The following ADGRG6 variants were observed in gnomAD, a reference collection of about 807,000 sequenced individuals.
The protein encoded by ADGRG6 is adhesion G protein-coupled receptor G6.
In ADGRG6, 84 loss-of-function variants were observed where a neutral mutation model predicts 142.4. The ratio of observed to expected loss-of-function variants is 0.59; its 90% CI spans 0.49 to 0.71. The LOEUF is 0.71. ADGRG6 is among the 30% of genes least tolerant of loss of function. ADGRG6 has a pLI of 0.00. For synonymous variants in ADGRG6, 521 were observed against 520.5 expected (o/e 1.00, Z -0.01); for missense variants, 1,367 against 1,466.6 (o/e 0.93, Z 1.11).
Position 142,367,862 on chromosome 6 carries a change from A to T in ADGRG6, c.397A>T (p.Ser133Cys). The change falls in exon 3 of 25, where the codon AGT (serine) becomes TGT (cysteine). Residue 133 changes from serine (S) to cysteine (C), a missense_variant. By Grantham distance (112) the Ser-to-Cys change is moderately radical. Transcript: ENST00000367609. ...GAATGAGATGCATGTGTCCTTTTCA[A>T]GTGACTTTAGCATCCAGAAGAAAGG... ...SANEMHVSFS[S>C]DFSIQKKGFN... The T allele has an allele frequency of 3.1e-6, 5 of 1,612,988 alleles. No individual in the cohort carries two copies. Among genetic ancestry groups the T allele is most frequent in the Middle Eastern group, 3.3e-4 (2 of 6,060 alleles).
chr6:142,415,084 A>G lies in ADGRG6; in HGVS notation c.2657A>G (p.Tyr886Cys), dbSNP rs202116919. ...AIFSAATLLT[Y>C]VAFEKLRRDY... The stretch of plus-strand genomic sequence containing the variant: ...TTTTCAGCAGCAACTCTCCTGACAT[A>G]TGTTGCTTTTGAGTAAGTATATTTT... The change falls in exon 19 of 25, where the codon TAT becomes TGT. Residue 886 changes from tyrosine to cysteine, a missense_variant. This residue lies in a region of ADGRG6 where 286 missense variants were observed against 371.4 expected (regional missense o/e 0.77). Transcript: ENST00000367609. 2 of 1,609,924 alleles carry G rather than the reference A, an allele frequency of 1.2e-6. No homozygotes were observed. Among genetic ancestry groups the G allele is most frequent in the Non-Finnish European group, 1.7e-6 (2 of 1,177,992 alleles).
intron 2 of ADGRG6, among the ~76,000 whole-genome samples, chr6:142,349,617 C>A (rs1444246692): frequency 6.6e-6 from 1 of 152,144 alleles, no homozygotes; most frequent in Non-Finnish European, 1.5e-5. Flanking sequence ...AGGGACCTGG[C>A]CAGTGCTCCA....
At chr6:142,335,238 A>G (rs1779256191) in intron 2 of ADGRG6, among the ~76,000 whole-genome samples, 1 of 152,110 alleles carries the variant, frequency 6.6e-6, no homozygotes, top group Non-Finnish European at 1.5e-5. Context: ...TGGACACCTG[A>G]TTTCTTTTGA....
At chr6:142,415,457 AG>A (rs1189442149) in intron 19 of ADGRG6, among the ~76,000 whole-genome samples, 17 of 152,154 alleles carry the variant, frequency 1.1e-4, no homozygotes, top group Non-Finnish European at 5.9e-5. Flanking sequence ...AAAATCAAAA[AG>A]GTTCAAATAA....
intron 24 of ADGRG6, among the ~76,000 whole-genome samples, chr6:142,442,958 A>G (rs1016626646): frequency 6.6e-6 from 1 of 152,116 alleles, no homozygotes; most frequent in Non-Finnish European, 1.5e-5. Context: ...CATATCTTAG[A>G]TATAATTTCT....
chr6:142,313,459 G>A (rs564026107), intron 2 of ADGRG6, among the ~76,000 whole-genome samples: 7 of 152,216 alleles, frequency 4.6e-5, no homozygotes, highest in African/African-American at 7.2e-5. Context: ...CACACAGATC[G>A]TCTTAGTCAT....
Position 142,415,003 on chromosome 6 carries a change from G to A in ADGRG6, c.2576G>A (p.Arg859Lys). 6.2e-7 allele frequency: 1 copy of A among 1,611,626 alleles called. No individual in the cohort carries two copies. The highest frequency in any genetic ancestry group is 8.5e-7 in the Non-Finnish European group (1 of 1,178,706). ...LPRSASQLDA[R>K]NTKVLTFISY... ...AGAAGTGCCTCACAGTTAGATGCAA[G>A]AAACACTAAAGTCCTCACTTTCATC... The change falls in exon 19 of 25, where the codon AGA (arginine) becomes AAA (lysine). Residue 859 changes from arginine to lysine, a missense_variant. Arg to Lys is a conservative substitution (Grantham distance 26). Coordinates refer to ENST00000367609, the MANE Select transcript of ADGRG6 (RefSeq NM_198569.3).
intron 2 of ADGRG6, among the ~76,000 whole-genome samples, chr6:142,339,715 T>A (rs898488773): frequency 1.3e-5 from 2 of 152,206 alleles, no homozygotes; most frequent in South Asian, 2.1e-4. Context: ...AATTATTATA[T>A]GCTTTACTAG....
At chr6:142,351,337 G>A (rs1020809374) in intron 2 of ADGRG6, among the ~76,000 whole-genome samples, 4 of 152,072 alleles carry the variant, frequency 2.6e-5, no homozygotes, top group Non-Finnish European at 5.9e-5. Flanking sequence ...AAACAGCATG[G>A]TACTGCACTA....
At chr6:142,330,251 AC>A (rs1778983341) in intron 2 of ADGRG6, among the ~76,000 whole-genome samples, 1 of 152,074 alleles carries the variant, frequency 6.6e-6, no homozygotes, top group Non-Finnish European at 1.5e-5. Flanking sequence ...TGGGCTTAAT[AC>A]CTGGCTGATG....
chr6:142,353,051 A>G (rs565995646), intron 2 of ADGRG6, among the ~76,000 whole-genome samples: 20 of 152,320 alleles, frequency 1.3e-4, no homozygotes, highest in Admixed American at 1.0e-3. Flanking sequence ...GGCATTACAC[A>G]GTGTCACAGT....
chr6:142,389,623 C>T (rs1020659247), intron 6 of ADGRG6, among the ~76,000 whole-genome samples: 1 of 151,798 alleles, frequency 6.6e-6, no homozygotes, highest in African/African-American at 2.4e-5. Context: ...GTGATTTAGT[C>T]CAATGAAAAT....
intron 2 of ADGRG6, among the ~76,000 whole-genome samples, chr6:142,346,897 G>T (rs939973606): frequency 6.6e-6 from 1 of 151,702 alleles, no homozygotes; most frequent in Admixed American, 6.6e-5. Context: ...CTAGGGGAGG[G>T]ATACTATTAG....
chr6:142,355,471 A>G (rs1226512408), intron 2 of ADGRG6, among the ~76,000 whole-genome samples: 1 of 152,154 alleles, frequency 6.6e-6, no homozygotes, highest in African/African-American at 2.4e-5. Flanking sequence ...CTCAAATACC[A>G]CTACAAAGCT....
intron 2 of ADGRG6, among the ~76,000 whole-genome samples, chr6:142,318,061 A>ATGATATATATTTATG: frequency 1.9e-5 from 1 of 54,004 alleles, no homozygotes; most frequent in African/African-American, 8.6e-5. Context: ...ATATATTTAT[A>ATGATATATATTTATG]TTATATATAT....
At chr6:142,429,317 T>G (rs1777101348) in intron 22 of ADGRG6, among the ~76,000 whole-genome samples, 1 of 152,204 alleles carries the variant, frequency 6.6e-6, no homozygotes, top group South Asian at 2.1e-4. Flanking sequence ...GTTGAGCTGT[T>G]ACATAATTAC....
intron 4 of ADGRG6, among the ~76,000 whole-genome samples, chr6:142,378,229 T>C (rs1252840922): frequency 6.6e-6 from 1 of 152,220 alleles, no homozygotes; most frequent in Non-Finnish European, 1.5e-5. Context: ...ACTGGGAATG[T>C]AGTTTGCCTA....
At chr6:142,406,313 A>T (rs1775806146) in intron 15 of ADGRG6, among the ~76,000 whole-genome samples, 2 of 152,196 alleles carry the variant, frequency 1.3e-5, no homozygotes, top group African/African-American at 4.8e-5. Flanking sequence ...CCGCAGAGTA[A>T]GATGGAATTG....
At chr6:142,325,659 T>A (rs950612848) in intron 2 of ADGRG6, among the ~76,000 whole-genome samples, 6 of 152,250 alleles carry the variant, frequency 3.9e-5, no homozygotes, top group African/African-American at 1.4e-4. Context: ...TAACCATAGC[T>A]GTATTCAATG....
Sources: allele counts gnomAD v4.1 joint callset (sites outside exome capture counted in the v4.1 genomes callset), GRCh38; gene constraint gnomAD v4.1.1; regional missense constraint gnomAD v4.1.1; transcripts MANE v1.5; gene names NCBI Gene and HGNC (gene_info 2026-07-23, HGNC 2026-07-21).